Variants in BEND6 observed in about 807,000 individuals in gnomAD.
BEND6 encodes the protein BEN domain-containing protein 6.
BEND6 carries 24 observed loss-of-function variants against 31.8 expected under a neutral mutation model. The ratio of observed to expected loss-of-function variants is 0.75; its 90% confidence interval spans 0.55 to 1.06. BEND6 has a LOEUF of 1.06. BEND6 is among the 50% of genes least tolerant of loss of function. BEND6 has a pLI of 0.00. For synonymous variants in BEND6, 109 were observed against 114.6 expected (o/e 0.95, Z 0.31); for missense variants, 294 against 327.4 (o/e 0.90, Z 0.79).
intron 1 of BEND6, among the ~76,000 whole-genome samples, chr6:56,964,234 T>A (rs1368550457): frequency 2.1e-4 from 32 of 151,994 alleles, no homozygotes; most frequent in Admixed American, 2.1e-3. Flanking sequence ...TGTGACCTGC[T>A]TTGTAAGGGT....
chr6:57,014,663 C>A, intron 3 of BEND6: 1 of 656,334 alleles, frequency 1.5e-6, no homozygotes, highest in Non-Finnish European at 2.4e-6. Context: ...CCCTTGTAAA[C>A]CATACACGAA....
At chr6:57,002,255 A>G (rs1826972192) in intron 3 of BEND6, among the ~76,000 whole-genome samples, 2 of 152,212 alleles carry the variant, frequency 1.3e-5, no homozygotes. Context: ...CAGCCATACA[A>G]TAATAGTGGG....
At chr6:56,974,620 A>G (rs570117207) in intron 1 of BEND6, among the ~76,000 whole-genome samples, 1 of 152,354 alleles carries the variant, frequency 6.6e-6, no homozygotes, top group East Asian at 1.9e-4. Flanking sequence ...GCTTTAAAGT[A>G]CTGCTAAGTG....
At chr6:57,020,917 G>T (rs1827724640) in intron 6 of BEND6, among the ~76,000 whole-genome samples, 1 of 150,586 alleles carries the variant, frequency 6.6e-6, no homozygotes, top group African/African-American at 2.5e-5. Flanking sequence ...CCAGCAGAAT[G>T]TTAAAGAAGT....
At chr6:57,000,974 G>A (rs1826917146) in intron 3 of BEND6, among the ~76,000 whole-genome samples, 1 of 150,426 alleles carries the variant, frequency 6.6e-6, no homozygotes, top group Non-Finnish European at 1.5e-5. Flanking sequence ...ACTCCCTAGG[G>A]AGGGAGAAAA....
intron 2 of BEND6, among the ~76,000 whole-genome samples, chr6:56,991,987 T>A (rs1562547000): frequency 6.6e-6 from 1 of 152,224 alleles, no homozygotes; most frequent in Non-Finnish European, 1.5e-5. Context: ...CATTTGTCTG[T>A]GTGTATTCAC....
intron 3 of BEND6, among the ~76,000 whole-genome samples, chr6:56,993,127 T>A (rs1319569634): frequency 2.6e-5 from 4 of 151,808 alleles, no homozygotes; most frequent in Non-Finnish European, 5.9e-5. Context: ...GGAAAAAAAA[T>A]GAAAAAAGGA....
chr6:57,015,571 C>G (rs796612487), intron 4 of BEND6, among the ~76,000 whole-genome samples: 3 of 151,070 alleles, frequency 2.0e-5, no homozygotes, highest in Non-Finnish European at 2.9e-5. Context: ...GAGGCTGAGG[C>G]GGGCAGATCA....
At chr6:57,024,829 A>G (rs1041111683) in intron 6 of BEND6, among the ~76,000 whole-genome samples, 4 of 152,198 alleles carry the variant, frequency 2.6e-5, no homozygotes, top group African/African-American at 9.7e-5. Context: ...TCCCTCTTGA[A>G]TAATAATAAG....
At chr6:56,985,075 A>G (rs1387954627) in intron 2 of BEND6, among the ~76,000 whole-genome samples, 1 of 152,230 alleles carries the variant, frequency 6.6e-6, no homozygotes, top group Non-Finnish European at 1.5e-5. Flanking sequence ...TCCAAGCTCA[A>G]TAAGTTTGTG....
At chr6:57,004,647 G>A in intron 3 of BEND6, 1 of 1,181,004 alleles carries the variant, frequency 8.5e-7, no homozygotes, top group Non-Finnish European at 1.3e-6. Context: ...TGAATGCAAT[G>A]GAGTGGGCAT....
Position 56,992,516 on chromosome 6 carries a change from G to A in BEND6, c.259G>A (p.Glu87Lys), listed in dbSNP as rs79968708. ...AGAAAAACTAACAAACACCCGGAAA[G>A]AAAACAGCCGACTTCGACAGTCTTT... Reference protein sequence around the residue: ...LKEKLTNTRKENSRLRQSLVM... With the variant: ...LKEKLTNTRKKNSRLRQSLVM... The change falls in exon 3 of 7, where the codon GAA becomes AAA. Residue 87 changes from glutamate to lysine, a missense_variant. Physicochemically the swap from Glu to Lys is moderately conservative, Grantham distance 56 (BLOSUM62 1). Transcript: ENST00000370746. 1.2e-6 allele frequency: 2 copies of A among 1,613,766 alleles called. No individual in the cohort carries two copies. The highest frequency in any genetic ancestry group is 2.2e-5 in the South Asian group (2 of 91,008).
At chr6:56,984,273 A>G (rs1173990435) in intron 2 of BEND6, among the ~76,000 whole-genome samples, 2 of 152,076 alleles carry the variant, frequency 1.3e-5, no homozygotes, top group Non-Finnish European at 2.9e-5. Flanking sequence ...GTGACAATTT[A>G]TCTGGGAAAA....
intron 3 of BEND6, among the ~76,000 whole-genome samples, chr6:57,011,401 A>T (rs970373957): frequency 3.9e-5 from 6 of 152,192 alleles, no homozygotes; most frequent in African/African-American, 1.4e-4. Context: ...ATGAAAATGT[A>T]GATGCAAGAA....
chr6:56,995,315 C>G (rs1259153150), intron 3 of BEND6, among the ~76,000 whole-genome samples: 1 of 151,960 alleles, frequency 6.6e-6, no homozygotes, highest in East Asian at 1.9e-4. Context: ...CCTCAAAACT[C>G]TTGACTATAC....
intron 2 of BEND6, among the ~76,000 whole-genome samples, chr6:56,991,792 A>AC (rs1826513080): frequency 6.6e-6 from 1 of 152,076 alleles, no homozygotes; most frequent in South Asian, 2.1e-4. Flanking sequence ...CCTCACCAGC[A>AC]CCCCAAAGAT....
At chr6:56,993,103 A>C (rs1310621321) in intron 3 of BEND6, among the ~76,000 whole-genome samples, 1 of 152,336 alleles carries the variant, frequency 6.6e-6, no homozygotes, top group Admixed American at 6.5e-5. Context: ...TCATCACAAA[A>C]TACTCCAGTG....
chr6:56,990,801 T>A (rs1306510210), intron 2 of BEND6, among the ~76,000 whole-genome samples: 8 of 152,228 alleles, frequency 5.3e-5, no homozygotes, highest in Non-Finnish European at 8.8e-5. Context: ...TTTGGCATAA[T>A]CAATTTTTTA....
intron 1 of BEND6, among the ~76,000 whole-genome samples, chr6:56,961,072 G>A (rs534801943): frequency 6.6e-6 from 1 of 152,236 alleles, no homozygotes. Flanking sequence ...TCATTTTGAG[G>A]ACATGATCCA....
Sources: gnomAD v4.1 joint callset for allele counts (sites outside exome capture counted in the v4.1 genomes callset) on GRCh38, gnomAD v4.1.1 for gene constraint, MANE v1.5 for transcripts, NCBI Gene and HGNC (gene_info 2026-07-23, HGNC 2026-07-21) for gene names.